The following ATM variants were observed in gnomAD, a reference collection of about 807,000 sequenced individuals.
The protein encoded by ATM is serine-protein kinase ATM.
ATM carries 308 observed loss-of-function variants against 387.0 expected under a neutral mutation model. The observed-to-expected ratio is 0.80, with a 90% confidence interval of 0.73 to 0.87. ATM has a LOEUF of 0.87. Ranked by LOEUF, ATM falls within the 40% of genes least tolerant of loss-of-function variation. The pLI is 0.00. For synonymous variants in ATM, 1,156 were observed against 1,187.3 expected (o/e 0.97, Z 0.54); for missense variants, 3,312 against 3,560.9 (o/e 0.93, Z 1.78).
Position 108,310,168 on chromosome 11 carries a change from C to T in ATM, c.5771C>T (p.Ser1924Leu), listed in dbSNP as rs876658831. The change falls in exon 39 of 63, where the codon TCA (serine) becomes TTA (leucine). Residue 1924 changes from serine (S) to leucine (L), a missense_variant. Ser to Leu is a moderately radical substitution (Grantham distance 145). This residue lies in a region of ATM where 1,405 missense variants were observed against 1,604.4 expected (regional missense o/e 0.88). Transcript: ENST00000675843. ...DYMRRQKRPS[S>L]GTIFNDAFWL... ...ATCTCATTTTTCTTTAGACCTTCTTCAGGAACAATTTTTAATGATGCTTTC... is the reference window on the plus strand; with the variant it reads ...ATCTCATTTTTCTTTAGACCTTCTTTAGGAACAATTTTTAATGATGCTTTC... 1.2e-6 allele frequency: 2 copies of T among 1,613,236 alleles called. No individual in the cohort carries two copies. Among genetic ancestry groups the T allele is most frequent in the African/African-American group, 1.3e-5 (1 of 74,978 alleles).
intron 47 of ATM, chr11:108,327,271 G>A: frequency 3.6e-6 from 1 of 276,106 alleles, no homozygotes. Context: ...GCTGTCTGGA[G>A]TTACCCAACT....
chr11:108,244,052 G>A lies in ATM; in HGVS notation c.596G>A (p.Cys199Tyr), dbSNP rs879254127. Residue 199 changes from cysteine to tyrosine, a missense_variant, in exon 6 of 63, where the codon TGT becomes TAT. By Grantham distance (194) the Cys-to-Tyr change is radical (BLOSUM62 -2). Transcript: ENST00000675843. ...ATTCATGCTGTTACCAAAGGATGCT[G>A]TTCTCAGACTGACGGATTAAATTCC... ...RIIHAVTKGC[C>Y]SQTDGLNSKF... 3.7e-6 allele frequency: 6 copies of A among 1,613,496 alleles called. No individual in the cohort carries two copies. Among genetic ancestry groups the A allele is most frequent in the Non-Finnish European group, 5.1e-6 (6 of 1,179,822 alleles).
chr11:108,330,220 A>C lies in ATM; in HGVS notation c.7314A>C (p.Thr2438=), dbSNP rs199909913. Residue 2438 remains threonine (T), a synonymous_variant, in exon 50 of 63, where the codon ACA becomes ACC. Transcript: ENST00000675843. Reference sequence around the variant, plus strand: ...CTTAATTATTCTATGCAAGATACACAGTAAAGGTTCAGCGAGAGCTGGAGT... The same window carrying C: ...CTTAATTATTCTATGCAAGATACACCGTAAAGGTTCAGCGAGAGCTGGAGT... ...REHKIQTNRY[T]VKVQRELELD... is the part of the protein sequence containing the mutation. 48 of 1,613,968 alleles carry C rather than the reference A, an allele frequency of 3.0e-5. No homozygotes were observed. Among genetic ancestry groups the C allele is most frequent in the Non-Finnish European group, 4.0e-5 (47 of 1,179,950 alleles).
In ATM at chr11:108,299,750, T is replaced by G. The variant is rs1307715383; in HGVS notation, c.5042T>G (p.Ile1681Arg). Residue 1681 changes from isoleucine (I) to arginine (R), a missense_variant, in exon 34 of 63, where the codon ATA becomes AGA. Coordinates refer to ENST00000675843, the MANE Select transcript of ATM (RefSeq NM_000051.4). ...AGCTGCTTGGGAGAAGTGGGTCCTA[T>G]AGATTTCTCTACCATAGCTATACAA... ...VGSCLGEVGP[I>R]DFSTIAIQHS... 6.2e-7 allele frequency: 1 copy of G among 1,613,848 alleles called. No individual in the cohort carries two copies. The highest frequency in any genetic ancestry group is 1.3e-5 in the African/African-American group (1 of 74,912).
chr11:108,311,372 C>T (rs754146809), intron 39 of ATM, among the ~76,000 whole-genome samples: 99 of 151,892 alleles, frequency 6.5e-4, no homozygotes, highest in Non-Finnish European at 1.2e-3. Flanking sequence ...AAGAAGGGTG[C>T]CAAAGTATAA....
At chr11:108,292,919 T>C in intron 30 of ATM, 126 bp downstream of exon 30, 3 of 1,199,574 alleles carry the variant, frequency 2.5e-6, no homozygotes, top group Non-Finnish European at 3.6e-6. Context: ...TGTAAAATGA[T>C]TGGAAAAATA....
chr11:108,280,127 A>G (rs918881640), intron 23 of ATM, among the ~76,000 whole-genome samples: 1 of 152,236 alleles, frequency 6.6e-6, no homozygotes, highest in African/African-American at 2.4e-5. Context: ...AGGTAGTTAA[A>G]TAACTGTCAA....
intron 42 of ATM, among the ~76,000 whole-genome samples, chr11:108,317,020 A>G (rs1338018480): frequency 6.7e-6 from 1 of 150,258 alleles, no homozygotes; most frequent in Non-Finnish European, 1.5e-5. Context: ...TGCAGCCTTG[A>G]CCTCCCTGGC....
intron 33 of ATM, 49 bp downstream of exon 33, chr11:108,297,431 C>T (rs748204401): frequency 1.3e-5 from 18 of 1,383,214 alleles, no homozygotes; most frequent in Non-Finnish European, 1.8e-5. Flanking sequence ...CTGCGGATCA[C>T]ATATAGGACA....
At position 108,365,561 on chromosome 11, in the gene ATM, C is replaced by T. The variant is rs2091267822; in HGVS notation, c.*53C>T. On this transcript the variant is annotated 3_prime_UTR_variant, in exon 63 of 63. Coordinates refer to ENST00000675843, the MANE Select transcript of ATM (RefSeq NM_000051.4). ...TCAGCCTTTAGAAATTATATTTTAG[C>T]CTTTATTTTTAACCTGCCAACATAC... is the stretch of plus-strand genomic sequence containing the variant. 5.1e-6 allele frequency: 8 copies of T among 1,573,834 alleles called. No homozygotes were observed. The highest frequency in any genetic ancestry group is 6.9e-6 in the Non-Finnish European group (8 of 1,155,618).
intron 40 of ATM, among the ~76,000 whole-genome samples, chr11:108,313,954 A>G (rs2084387596): frequency 6.6e-6 from 1 of 152,084 alleles, no homozygotes; most frequent in Non-Finnish European, 1.5e-5. Flanking sequence ...TGTAAATTTT[A>G]CAACAAAGAT....
intron 61 of ATM, chr11:108,355,500 T>TGCCA: frequency 6.5e-6 from 1 of 154,942 alleles, no homozygotes; most frequent in South Asian, 2.0e-4. Context: ...TTAGTACCTA[T>TGCCA]GCCAGTCATT....
chr11:108,282,226 C>T (rs916912859), intron 24 of ATM, among the ~76,000 whole-genome samples: 13 of 151,642 alleles, frequency 8.6e-5, no homozygotes, highest in African/African-American at 2.4e-4. Flanking sequence ...CTCCTGGGTT[C>T]ATGCCATTCT....
intron 38 of ATM, among the ~76,000 whole-genome samples, chr11:108,309,407 T>C (rs1395110734): frequency 3.9e-5 from 6 of 152,210 alleles, no homozygotes. Flanking sequence ...CATTATTTAA[T>C]TGTTGCACCC....
intron 38 of ATM, 111 bp downstream of exon 38, chr11:108,308,095 T>C: frequency 9.7e-7 from 1 of 1,034,084 alleles, no homozygotes; most frequent in Non-Finnish European, 1.5e-6. Flanking sequence ...AAGTGTTATA[T>C]TTAATTTGTG....
intron 36 of ATM, 72 bp downstream of exon 36, chr11:108,303,101 C>A (rs2135932764): frequency 1.4e-6 from 2 of 1,388,814 alleles, no homozygotes; most frequent in Non-Finnish European, 2.0e-6. Flanking sequence ...TGTGATACTG[C>A]ACATCATCTT....
At chr11:108,316,286 C>G (rs1257138679) in intron 42 of ATM, among the ~76,000 whole-genome samples, 173 bp downstream of exon 42, 1 of 150,574 alleles carries the variant, frequency 6.6e-6, no homozygotes, top group Non-Finnish European at 1.5e-5. Context: ...CAGAGGGATG[C>G]AAAAAAAAGA....
intron 51 of ATM, 56 bp downstream of exon 51, chr11:108,331,613 A>C: frequency 2.8e-6 from 4 of 1,429,496 alleles, no homozygotes; most frequent in Non-Finnish European, 3.7e-6. Context: ...TTATTACTAT[A>C]TATTATATAA....
intron 16 of ATM, among the ~76,000 whole-genome samples, chr11:108,260,913 T>A (rs2135439106): frequency 6.6e-6 from 1 of 152,264 alleles, no homozygotes; most frequent in East Asian, 1.9e-4. Context: ...ACTCCCCGAA[T>A]ACTGCTCTTT....
Sources: allele counts gnomAD v4.1 joint callset (sites outside exome capture counted in the v4.1 genomes callset), GRCh38; gene constraint gnomAD v4.1.1; regional missense constraint gnomAD v4.1.1; transcripts MANE v1.5; gene names NCBI Gene and HGNC (gene_info 2026-07-23, HGNC 2026-07-21).